STX8: variants seen among roughly 807,000 people sequenced by gnomAD.
STX8 encodes syntaxin 8.
In STX8, 23 loss-of-function variants were observed where a neutral mutation model predicts 37.5. That is an observed-to-expected ratio of 0.61 (90% CI 0.44 to 0.87). The LOEUF is 0.87. Among genes scored for constraint, STX8 ranks in the 40% least tolerant of loss-of-function variants. The pLI, the probability that STX8 is intolerant of heterozygous loss-of-function variation, is 0.00. For synonymous variants in STX8, 115 were observed against 99.1 expected (o/e 1.16, Z -0.95); for missense variants, 313 against 284.7 (o/e 1.10, Z -0.71).
intron 6 of STX8, among the ~76,000 whole-genome samples, chr17:9,465,975 T>A (rs1905595515): frequency 6.6e-6 from 1 of 152,030 alleles, no homozygotes; most frequent in African/African-American, 2.4e-5. Context: ...ATTTTAGTAT[T>A]CTTTTTTTTT....
intron 7 of STX8, among the ~76,000 whole-genome samples, chr17:9,377,535 A>G (rs1911641586): frequency 6.6e-6 from 1 of 152,116 alleles, no homozygotes; most frequent in Admixed American, 6.6e-5. Context: ...CAATGGCACA[A>G]TCTCAGTTCA....
intron 4 of STX8, among the ~76,000 whole-genome samples, chr17:9,528,014 G>A (rs1444476961): frequency 6.6e-6 from 1 of 152,146 alleles, no homozygotes; most frequent in African/African-American, 2.4e-5. Context: ...TTATATTGTG[G>A]AATACAACTG....
At chr17:9,467,558 A>G (rs1905667365) in intron 6 of STX8, 1 of 152,262 alleles carries the variant, frequency 6.6e-6, no homozygotes. Flanking sequence ...AGAGAAGAGC[A>G]TCCTGGAGAA....
intron 7 of STX8, among the ~76,000 whole-genome samples, chr17:9,343,182 G>A (rs1333911840): frequency 4.6e-5 from 7 of 152,158 alleles, no homozygotes; most frequent in African/African-American, 7.2e-5. Flanking sequence ...AGAAGCAGTG[G>A]AGATGTGATT....
At chr17:9,523,866 C>T (rs1905459054) in intron 4 of STX8, among the ~76,000 whole-genome samples, 1 of 152,138 alleles carries the variant, frequency 6.6e-6, no homozygotes, top group Non-Finnish European at 1.5e-5. Context: ...TACAAAAATC[C>T]AAATTAGGCA....
At chr17:9,304,845 A>G (rs1186926950) in intron 7 of STX8, among the ~76,000 whole-genome samples, 1 of 151,606 alleles carries the variant, frequency 6.6e-6, no homozygotes, top group Non-Finnish European at 1.5e-5. Context: ...CTATACCTCT[A>G]CACATATAAA....
intron 6 of STX8, among the ~76,000 whole-genome samples, chr17:9,403,384 AT>A (rs772661282): frequency 2.6e-5 from 4 of 152,204 alleles, no homozygotes; most frequent in Admixed American, 6.5e-5. Context: ...CATTTACATA[AT>A]CATAGAACAA....
chr17:9,575,780 C>A lies in STX8; in HGVS notation c.17+12G>T. ...GTCCCTCCACGCACCGCCGCCCTCA[C>A]CCGGGACTCACCAGGGGTCCGGTGC... is the stretch of plus-strand genomic sequence containing the variant. On this transcript the variant is annotated intron_variant, in intron 1 of 7. Coordinates refer to ENST00000306357, the MANE Select transcript of STX8 (RefSeq NM_004853.3). The A allele has an allele frequency of 1.3e-6, 2 of 1,546,148 alleles. No individual in the cohort carries two copies. Among genetic ancestry groups the A allele is most frequent in the Non-Finnish European group, 1.7e-6 (2 of 1,146,402 alleles).
At chr17:9,377,022 G>C (rs1209281021) in intron 7 of STX8, among the ~76,000 whole-genome samples, 1 of 152,040 alleles carries the variant, frequency 6.6e-6, no homozygotes, top group East Asian at 1.9e-4. Context: ...GGTGATAAAG[G>C]GTCTCAAGGA....
intron 4 of STX8, among the ~76,000 whole-genome samples, chr17:9,530,116 G>A (rs956222340): frequency 6.6e-6 from 1 of 152,034 alleles, no homozygotes; most frequent in African/African-American, 2.4e-5. Flanking sequence ...GACCATCCTG[G>A]CTAACACAGT....
intron 7 of STX8, among the ~76,000 whole-genome samples, chr17:9,288,388 G>A (rs569960996): frequency 3.9e-5 from 6 of 152,108 alleles, no homozygotes; most frequent in South Asian, 4.2e-4. Context: ...TGGGCCGGGC[G>A]CGGTGGCTCA....
chr17:9,250,739 G>C, intron 7 of STX8, 94 bp from the exon 8 acceptor site: 32 of 1,273,690 alleles, frequency 2.5e-5, no homozygotes, highest in African/African-American at 3.0e-5. Flanking sequence ...GAGGGATGTA[G>C]TTCCCTCTGA....
rs559882515 is a variant in STX8, at chr17:9,405,362, T to A, written c.542-26709A>T. Reference sequence around the variant, plus strand: ...GAACCTTTGGGGTTCTGAATGGCCATGGGCATTGTCCAGTATCAAAAGAAC... The same window carrying A: ...GAACCTTTGGGGTTCTGAATGGCCAAGGGCATTGTCCAGTATCAAAAGAAC... On this transcript the variant is annotated intron_variant, in intron 6 of 7. Transcript: ENST00000306357. Among the ~76,000 whole-genome samples the A allele has an allele frequency of 1.5e-4, 23 of 152,306 alleles. No individual in the cohort carries two copies. In the East Asian group the frequency reaches 3.9e-3, roughly 26 times the overall value.
intron 7 of STX8, among the ~76,000 whole-genome samples, chr17:9,351,753 C>G (rs1910713695): frequency 6.6e-6 from 1 of 152,120 alleles, no homozygotes; most frequent in Non-Finnish European, 1.5e-5. Context: ...TTTTCCTTGT[C>G]TCACAGAACA....
chr17:9,443,447 G>A (rs1226319621), intron 6 of STX8, among the ~76,000 whole-genome samples: 1 of 152,146 alleles, frequency 6.6e-6, no homozygotes, highest in Non-Finnish European at 1.5e-5. Flanking sequence ...ACAGTCTGTT[G>A]CGAGTTCATG....
rs187128721 is a variant in STX8, at chr17:9,341,689, G to A, written c.643+36863C>T. On this transcript the variant is annotated intron_variant, in intron 7 of 7. Transcript: ENST00000306357. The stretch of plus-strand genomic sequence containing the variant: ...TGACCTCAGGTAATCTGCCGGCTTC[G>A]GCCTCCTAAAGTGCTGGGATTACAG... Among the ~76,000 whole-genome samples the A allele has an allele frequency of 5.1e-3, 781 of 152,146 alleles. 4 individuals carry two copies. Among genetic ancestry groups the A allele is most frequent in the Middle Eastern group, 0.01 (3 of 294 alleles).
intron 7 of STX8, among the ~76,000 whole-genome samples, chr17:9,362,888 A>G (rs184044675): frequency 8.2e-4 from 125 of 151,730 alleles, no homozygotes; most frequent in Non-Finnish European, 1.6e-3. Context: ...TTTTGTTCCA[A>G]TGAGAAAAAC....
intron 7 of STX8, among the ~76,000 whole-genome samples, chr17:9,290,941 C>G (rs191857171): frequency 3.3e-5 from 5 of 152,210 alleles, no homozygotes; most frequent in African/African-American, 9.6e-5. Context: ...TCCGCACTAC[C>G]TAAGGTCAGC....
intron 6 of STX8, among the ~76,000 whole-genome samples, chr17:9,475,755 G>A (rs887387857): frequency 1.3e-5 from 2 of 152,172 alleles, no homozygotes; most frequent in African/African-American, 4.8e-5. Flanking sequence ...GTCCTGAATC[G>A]GCTTGTGCCC....
Sources: gnomAD v4.1 joint callset for allele counts (sites outside exome capture counted in the v4.1 genomes callset) on GRCh38, gnomAD v4.1.1 for gene constraint, MANE v1.5 for transcripts, NCBI Gene and HGNC (gene_info 2026-07-23, HGNC 2026-07-21) for gene names.